SDCCAG8: variants seen among roughly 807,000 people sequenced by gnomAD.
The protein encoded by SDCCAG8 is serologically defined colon cancer antigen 8.
In SDCCAG8, 74 loss-of-function variants were observed where a neutral mutation model predicts 101.8. That is an observed-to-expected ratio of 0.73 (90% CI 0.60 to 0.88). The LOEUF is 0.88. Among genes scored for constraint, SDCCAG8 ranks in the 40% least tolerant of loss-of-function variants. The probability of loss-of-function intolerance (pLI) is 0.00; values close to 1 mark genes in which losing one functional copy is unlikely to be tolerated. For missense variants in SDCCAG8, 787 were observed against 822.6 expected, an observed-to-expected ratio of 0.96 and a Z score of 0.53; for synonymous variants, 281 against 292.9, an observed-to-expected ratio of 0.96 and a Z score of 0.41.
chr1:243,399,164 ATG>A (rs1234912851), intron 13 of SDCCAG8, among the ~76,000 whole-genome samples: 3 of 152,204 alleles, frequency 2.0e-5, no homozygotes, highest in Non-Finnish European at 4.4e-5. Context: ...AACACTTATA[ATG>A]TGTGAGAATG....
Position 243,489,157 on chromosome 1 carries a change from G to T in SDCCAG8, c.2112+17G>T. Reference sequence around the variant, plus strand: ...CGGACCCAGGTACTGTGCAGAACGCGGCGCAGGTGGGAGTCCTTGGGCGGG... The same window carrying T: ...CGGACCCAGGTACTGTGCAGAACGCTGCGCAGGTGGGAGTCCTTGGGCGGG... On this transcript the variant is annotated intron_variant, in intron 17 of 17. Transcript: ENST00000366541. The T allele has an allele frequency of 1.2e-6, 2 of 1,610,564 alleles. No individual in the cohort carries two copies. Among genetic ancestry groups the T allele is most frequent in the Non-Finnish European group, 1.7e-6 (2 of 1,179,244 alleles).
intron 3 of SDCCAG8, among the ~76,000 whole-genome samples, chr1:243,273,141 T>G (rs1017158313): frequency 6.6e-6 from 1 of 152,252 alleles, no homozygotes; most frequent in Non-Finnish European, 1.5e-5. Context: ...ATTCATTTAA[T>G]TAGAGTTACT....
intron 1 of SDCCAG8, among the ~76,000 whole-genome samples, chr1:243,265,381 G>A (rs932218876): frequency 3.3e-5 from 5 of 152,048 alleles, no homozygotes; most frequent in Non-Finnish European, 7.4e-5. Flanking sequence ...CTTTTCTTTG[G>A]GATAGTTGTT....
At chr1:243,452,409 CATCTCTT>C (rs1175116941) in intron 16 of SDCCAG8, among the ~76,000 whole-genome samples, 1,242 of 121,006 alleles carry the variant, frequency 0.01, 75 homozygotes, top group African/African-American at 0.038. Context: ...GAGATGATCT[CATCTCTT>C]TTTTTTTTTT....
chr1:243,344,458 C>A, intron 12 of SDCCAG8, 127 bp downstream of exon 12: 1 of 795,602 alleles, frequency 1.3e-6, no homozygotes, highest in East Asian at 2.7e-5. Flanking sequence ...ATCCAGTTTA[C>A]ACTGTTAGGA....
At chr1:243,288,862 C>A (rs1486289553) in intron 5 of SDCCAG8, among the ~76,000 whole-genome samples, 2 of 151,816 alleles carry the variant, frequency 1.3e-5, no homozygotes, top group African/African-American at 2.4e-5. Context: ...AAAAAATTAG[C>A]CGGGCGTGGT....
At position 243,270,183 on chromosome 1, in the gene SDCCAG8, A is replaced by G. The variant is rs772285144; in HGVS notation, c.146A>G (p.Asn49Ser). Residue 49 changes from asparagine to serine, a missense_variant, in exon 2 of 18, where the codon AAT becomes AGT. Physicochemically the swap from Asn to Ser is conservative, Grantham distance 46 (BLOSUM62 1). Coordinates refer to ENST00000366541, the MANE Select transcript of SDCCAG8 (RefSeq NM_006642.5). ...GDVTIGEDAP[N>S]LSFSTSVGNE... is the part of the protein sequence containing the mutation. ...GTCACTATTGGAGAAGATGCACCAA[A>G]TCTTTCTTTTAGCACCAGTGTGGGA... is the stretch of plus-strand genomic sequence containing the variant. 1.9e-6 allele frequency: 3 copies of G among 1,614,162 alleles called. No individual in the cohort carries two copies. In the South Asian group the frequency reaches 3.3e-5, roughly 18 times the overall value.
chr1:243,341,135 C>G lies in SDCCAG8; in HGVS notation c.1318C>G (p.Gln440Glu). The change falls in exon 11 of 18, where the codon CAA becomes GAA. Residue 440 changes from glutamine (Q) to glutamate (E), a missense_variant. Transcript: ENST00000366541. Reference protein sequence around the residue: ...ISAINQLEEIQSQLASREMDV... With the variant: ...ISAINQLEEIESQLASREMDV... ...AGCTATTAATCAACTGGAGGAAATT[C>G]AAAGCCAGCTGGCTTCTCGGGAAAT... 1 of 1,614,048 alleles carries G rather than the reference C, an allele frequency of 6.2e-7. No homozygotes were observed. The highest frequency in any genetic ancestry group is 8.5e-7 in the Non-Finnish European group (1 of 1,179,958).
At chr1:243,466,858 C>A (rs1432726300) in intron 16 of SDCCAG8, among the ~76,000 whole-genome samples, 1 of 152,214 alleles carries the variant, frequency 6.6e-6, no homozygotes, top group Non-Finnish European at 1.5e-5. Flanking sequence ...TGCGGTACAA[C>A]CCGGGACTAT....
intron 4 of SDCCAG8, among the ~76,000 whole-genome samples, chr1:243,276,883 T>C (rs1452144497): frequency 6.6e-6 from 1 of 152,202 alleles, no homozygotes; most frequent in African/African-American, 2.4e-5. Flanking sequence ...GAATGTCATA[T>C]ACTTGGAATT....
At chr1:243,406,882 T>A (rs1281361467) in intron 13 of SDCCAG8, among the ~76,000 whole-genome samples, 3 of 152,224 alleles carry the variant, frequency 2.0e-5, no homozygotes, top group African/African-American at 7.2e-5. Context: ...TTATATTCTT[T>A]GTATGGCAGA....
intron 9 of SDCCAG8, among the ~76,000 whole-genome samples, chr1:243,325,241 T>C (rs2074065540): frequency 6.6e-6 from 1 of 152,216 alleles, no homozygotes; most frequent in Non-Finnish European, 1.5e-5. Context: ...TTAAAAAATT[T>C]AATAACTGAG....
intron 10 of SDCCAG8, among the ~76,000 whole-genome samples, chr1:243,338,254 C>A (rs1573404122): frequency 6.6e-6 from 1 of 152,232 alleles, no homozygotes; most frequent in East Asian, 1.9e-4. Flanking sequence ...TATCACACTG[C>A]CTGGCCCAAG....
Position 243,361,947 on chromosome 1 carries a change from C to T in SDCCAG8, c.1474-16774C>T, listed in dbSNP as rs151097269. ...GTCTTATTCTCTTTTGTATTCAGTG[C>T]CCCAGTGCCCTGATTGCAATTAGGG... On this transcript the variant is annotated intron_variant, in intron 12 of 17. Coordinates refer to ENST00000366541, the MANE Select transcript of SDCCAG8 (RefSeq NM_006642.5). Among the ~76,000 whole-genome samples, 138 of 152,308 alleles carry T rather than the reference C, an allele frequency of 9.1e-4. 1 individual carries two copies. The highest frequency in any genetic ancestry group is 2.6e-3 in the African/African-American group (106 of 41,556).
At position 243,489,180 on chromosome 1, in the gene SDCCAG8, G is replaced by C. The variant is rs201090097; in HGVS notation, c.2112+40G>C. The C allele has an allele frequency of 1.3e-4, 208 of 1,605,564 alleles. 1 individual carries two copies. The highest frequency in any genetic ancestry group is 1.1e-3 in the South Asian group (97 of 90,124). Reference sequence around the variant, plus strand: ...GCGGCGCAGGTGGGAGTCCTTGGGCGGGCGTCTACAGGTGGATCTTTTATG... The same window carrying C: ...GCGGCGCAGGTGGGAGTCCTTGGGCCGGCGTCTACAGGTGGATCTTTTATG... On this transcript the variant is annotated intron_variant, in intron 17 of 17. Coordinates refer to ENST00000366541, the MANE Select transcript of SDCCAG8 (RefSeq NM_006642.5).
chr1:243,425,032 A>G (rs1256824834), intron 15 of SDCCAG8, among the ~76,000 whole-genome samples: 1 of 152,048 alleles, frequency 6.6e-6, no homozygotes, highest in Non-Finnish European at 1.5e-5. Flanking sequence ...TTTGTATTGT[A>G]TGTGATTCTG....
At chr1:243,390,718 G>T (rs1300720516) in intron 13 of SDCCAG8, among the ~76,000 whole-genome samples, 1 of 152,176 alleles carries the variant, frequency 6.6e-6, no homozygotes, top group African/African-American at 2.4e-5. Flanking sequence ...AAGAAGCCCA[G>T]AGGAAACCGA....
chr1:243,272,204 C>A (rs2149265580), intron 3 of SDCCAG8, among the ~76,000 whole-genome samples: 1 of 152,248 alleles, frequency 6.6e-6, no homozygotes, highest in Non-Finnish European at 1.5e-5. Flanking sequence ...ACATAACATG[C>A]ATAGCAGCAA....
At chr1:243,316,637 G>A (rs2073263581) in intron 8 of SDCCAG8, 118 bp from the exon 9 acceptor site, 1 of 1,224,430 alleles carries the variant, frequency 8.2e-7, no homozygotes, top group South Asian at 1.3e-5. Context: ...TATTTCATAT[G>A]TGCTCAGCCG....
Sources: gnomAD v4.1 joint callset for allele counts (sites outside exome capture counted in the v4.1 genomes callset) on GRCh38, gnomAD v4.1.1 for gene constraint, MANE v1.5 for transcripts, NCBI Gene and HGNC (gene_info 2026-07-23, HGNC 2026-07-21) for gene names.